The following HS3ST4 variants were observed in gnomAD, a reference collection of about 807,000 sequenced individuals.
The protein encoded by HS3ST4 is heparan sulfate-glucosamine 3-sulfotransferase 4.
Under a neutral mutation model 29.2 loss-of-function variants are expected in HS3ST4, and 17 were observed. That is an observed-to-expected ratio of 0.58 (90% CI 0.40 to 0.87). The LOEUF (loss-of-function observed/expected upper bound fraction) is 0.87. Ranked by LOEUF, HS3ST4 falls within the 40% of genes least tolerant of loss-of-function variation. The probability of loss-of-function intolerance (pLI) is 0.00; values close to 1 mark genes in which losing one functional copy is unlikely to be tolerated. For missense variants in HS3ST4, 627 were observed against 634.5 expected (o/e 0.99, Z 0.13); for synonymous variants, 314 against 285.7 (o/e 1.10, Z -1.00).
intron 1 of HS3ST4, among the ~76,000 whole-genome samples, chr16:25,758,558 G>C (rs1966771040): frequency 6.6e-6 from 1 of 151,400 alleles, no homozygotes; most frequent in Non-Finnish European, 1.5e-5. Flanking sequence ...GAAATGGATA[G>C]TTCATTGACT....
intron 1 of HS3ST4, among the ~76,000 whole-genome samples, chr16:25,872,821 C>T (rs1269626008): frequency 6.6e-6 from 1 of 152,088 alleles, no homozygotes; most frequent in Non-Finnish European, 1.5e-5. Flanking sequence ...GAGTAAGAGA[C>T]ATTGTGGTCA....
At chr16:26,132,415 G>C (rs1006358751) in intron 1 of HS3ST4, among the ~76,000 whole-genome samples, 1 of 152,090 alleles carries the variant, frequency 6.6e-6, no homozygotes, top group Non-Finnish European at 1.5e-5. Context: ...TCACATTCAT[G>C]GGTAGCATGA....
chr16:26,128,080 C>T (rs1899369175), intron 1 of HS3ST4, among the ~76,000 whole-genome samples: 1 of 152,150 alleles, frequency 6.6e-6, no homozygotes, highest in Non-Finnish European at 1.5e-5. Flanking sequence ...TGCTCCTCCT[C>T]TTCCTCCTTT....
chr16:25,819,184 G>T (rs1477292463), intron 1 of HS3ST4, among the ~76,000 whole-genome samples: 1 of 152,154 alleles, frequency 6.6e-6, no homozygotes, highest in East Asian at 1.9e-4. Context: ...CTGAGTCTGC[G>T]ATCCTGTAAG....
intron 1 of HS3ST4, among the ~76,000 whole-genome samples, chr16:25,821,681 C>T (rs924253708): frequency 6.6e-6 from 1 of 152,106 alleles, no homozygotes; most frequent in Non-Finnish European, 1.5e-5. Context: ...AATCCTAGCA[C>T]TTTGGGAGGA....
At chr16:25,920,463 TA>T (rs1198774923) in intron 1 of HS3ST4, among the ~76,000 whole-genome samples, 1 of 152,090 alleles carries the variant, frequency 6.6e-6, no homozygotes, top group East Asian at 1.9e-4. Flanking sequence ...GAAGAATGAA[TA>T]CACTGGTCTC....
At chr16:25,892,865 A>G (rs1156346518) in intron 1 of HS3ST4, among the ~76,000 whole-genome samples, 1 of 152,222 alleles carries the variant, frequency 6.6e-6, no homozygotes, top group Non-Finnish European at 1.5e-5. Flanking sequence ...GCAGTGAACA[A>G]GACAGCAAAG....
At chr16:26,057,823 G>A (rs977262697) in intron 1 of HS3ST4, among the ~76,000 whole-genome samples, 1 of 152,188 alleles carries the variant, frequency 6.6e-6, no homozygotes, top group African/African-American at 2.4e-5. Flanking sequence ...GGGTCGTGCA[G>A]GTAGAGCTGA....
chr16:25,993,720 G>A (rs1969133556), intron 1 of HS3ST4, among the ~76,000 whole-genome samples: 1 of 151,810 alleles, frequency 6.6e-6, no homozygotes, highest in Non-Finnish European at 1.5e-5. Flanking sequence ...CTCGATAAAT[G>A]TCAGGAGTGG....
chr16:25,736,678 A>G (rs376278648), intron 1 of HS3ST4, among the ~76,000 whole-genome samples: 3 of 152,208 alleles, frequency 2.0e-5, no homozygotes, highest in East Asian at 3.8e-4. Context: ...CCAGTATTCC[A>G]AAGATTTCCT....
At chr16:26,022,497 T>C (rs1969423822) in intron 1 of HS3ST4, among the ~76,000 whole-genome samples, 1 of 152,118 alleles carries the variant, frequency 6.6e-6, no homozygotes, top group Admixed American at 6.5e-5. Flanking sequence ...AGCAAACATT[T>C]TAAGCTTTGT....
intron 1 of HS3ST4, among the ~76,000 whole-genome samples, chr16:26,089,797 A>G (rs950471977): frequency 2.6e-5 from 4 of 152,206 alleles, no homozygotes; most frequent in Admixed American, 1.3e-4. Flanking sequence ...GCTCGTGGCC[A>G]GTGAATTGTG....
chr16:25,850,545 A>G (rs1157961516), intron 1 of HS3ST4, among the ~76,000 whole-genome samples: 2 of 152,200 alleles, frequency 1.3e-5, no homozygotes, highest in African/African-American at 4.8e-5. Context: ...GGAAGTATCT[A>G]CTTAACTAAT....
intron 1 of HS3ST4, among the ~76,000 whole-genome samples, chr16:26,100,280 T>A (rs1898975582): frequency 1.3e-5 from 2 of 152,136 alleles, no homozygotes. Context: ...ATCTACCTCC[T>A]GGATCTAAAA....
intron 1 of HS3ST4, among the ~76,000 whole-genome samples, chr16:25,952,372 C>G (rs1968690867): frequency 6.6e-6 from 1 of 152,182 alleles, no homozygotes; most frequent in Non-Finnish European, 1.5e-5. Context: ...GGGGGGTATG[C>G]AGTCTCTGAC....
chr16:25,876,985 A>G (rs1967839588), intron 1 of HS3ST4, among the ~76,000 whole-genome samples: 1 of 152,128 alleles, frequency 6.6e-6, no homozygotes, highest in Admixed American at 6.6e-5. Context: ...CATATCAGAA[A>G]ACCCTAGCTA....
intron 1 of HS3ST4, among the ~76,000 whole-genome samples, chr16:26,047,593 T>G (rs1898285910): frequency 6.6e-6 from 1 of 152,074 alleles, no homozygotes; most frequent in Non-Finnish European, 1.5e-5. Context: ...GCTTAAGAAG[T>G]CATCCAGGTC....
At chr16:25,782,973 A>C (rs1399899250) in intron 1 of HS3ST4, among the ~76,000 whole-genome samples, 1 of 152,074 alleles carries the variant, frequency 6.6e-6, no homozygotes, top group Non-Finnish European at 1.5e-5. Context: ...AAAGGCTTTC[A>C]TTGTAATCGG....
At chr16:25,693,736 CT>C (rs1966273887) in intron 1 of HS3ST4, among the ~76,000 whole-genome samples, 1 of 152,178 alleles carries the variant, frequency 6.6e-6, no homozygotes, top group Admixed American at 6.5e-5. Context: ...TTCCATCCCC[CT>C]TGGCTGAATG....
Sources: allele counts gnomAD v4.1 joint callset (sites outside exome capture counted in the v4.1 genomes callset), GRCh38; gene constraint gnomAD v4.1.1; transcripts MANE v1.5; gene names NCBI Gene and HGNC (gene_info 2026-07-23, HGNC 2026-07-21).